Variants in COL12A1 observed in about 807,000 individuals in gnomAD.
The protein encoded by COL12A1 is collagen type XII alpha 1 chain.
A neutral mutation model predicts 349.7 loss-of-function variants in COL12A1; 114 were observed. The ratio of observed to expected loss-of-function variants is 0.33; its 90% CI spans 0.28 to 0.38. The LOEUF is 0.38. Ranked by LOEUF, COL12A1 falls within the 10% of genes least tolerant of loss-of-function variation. The pLI, the probability that COL12A1 is intolerant of heterozygous loss-of-function variation, is 1.00. For synonymous variants in COL12A1, 1,369 were observed against 1,329.0 expected, an observed-to-expected ratio of 1.03 and a Z score of -0.66; for missense variants, 3,284 against 3,756.9, an observed-to-expected ratio of 0.87 and a Z score of 3.29.
rs117435060 is a variant in COL12A1, at chr6:75,170,282, A to C, written c.2711-4503T>G. ...TGAGTTTCATATACCACTTTCAAAAATAGAAGTTAAATTGAAAATGTAACG... is the reference window on the plus strand; with the variant it reads ...TGAGTTTCATATACCACTTTCAAAACTAGAAGTTAAATTGAAAATGTAACG... On this transcript the variant is annotated intron_variant, in intron 13 of 65. Transcript: ENST00000322507. 1.7e-4 allele frequency among the ~76,000 whole-genome samples: 26 copies of C among 152,350 alleles called. No individual in the cohort carries two copies. The East Asian group carries it at 5.0e-3, about 29-fold the overall frequency.
chr6:75,162,328 C>G (rs898525131), intron 14 of COL12A1, among the ~76,000 whole-genome samples: 2 of 152,144 alleles, frequency 1.3e-5, no homozygotes, highest in African/African-American at 2.4e-5. Context: ...ACCAATGGAA[C>G]AGAACAGAGG....
chr6:75,102,157 T>C (rs1768334383), intron 56 of COL12A1, 105 bp from the exon 57 acceptor site: 8 of 1,154,446 alleles, frequency 6.9e-6, no homozygotes, highest in Admixed American at 2.0e-5. Context: ...ATAAATCCAG[T>C]GTAAGCGTTC....
intron 52 of COL12A1, among the ~76,000 whole-genome samples, chr6:75,107,549 G>A (rs556359712): frequency 6.6e-6 from 1 of 152,242 alleles, no homozygotes; most frequent in South Asian, 2.1e-4. Context: ...GGGATTACAG[G>A]CATGAGCCAC....
chr6:75,154,927 A>G (rs1277413209), intron 16 of COL12A1, among the ~76,000 whole-genome samples: 1 of 152,216 alleles, frequency 6.6e-6, no homozygotes, highest in Non-Finnish European at 1.5e-5. Flanking sequence ...AAGGTAACAT[A>G]AGACAATGCC....
rs114449178 is a variant in COL12A1 at position 75,106,668 on chromosome 6, C to T, written c.8101-172G>A. ...GAAAGACCATGAAAACATATGCCTA[C>T]GAGAAAGAGATAGAAAAGTGAAACA... On this transcript the variant is annotated intron_variant, in intron 52 of 65. Coordinates refer to ENST00000322507, the MANE Select transcript of COL12A1 (RefSeq NM_004370.6). Among the ~76,000 whole-genome samples the T allele has an allele frequency of 0.013, 2,018 of 152,116 alleles. 42 individuals carry two copies. The highest frequency in any genetic ancestry group is 0.043 in the African/African-American group (1,788 of 41,486).
intron 8 of COL12A1, among the ~76,000 whole-genome samples, chr6:75,186,628 A>C (rs1769636311): frequency 6.6e-6 from 1 of 152,200 alleles, no homozygotes; most frequent in African/African-American, 2.4e-5. Context: ...GTATATACCC[A>C]AGGAATATAA....
chr6:75,162,658 A>T (rs751582383), intron 14 of COL12A1, among the ~76,000 whole-genome samples: 1 of 152,206 alleles, frequency 6.6e-6, no homozygotes, highest in Non-Finnish European at 1.5e-5. Flanking sequence ...AAAATAGACA[A>T]ATGGAATCTG....
At chr6:75,177,163 G>C (rs940139782) in intron 12 of COL12A1, among the ~76,000 whole-genome samples, 2 of 152,120 alleles carry the variant, frequency 1.3e-5, no homozygotes, top group Non-Finnish European at 2.9e-5. Flanking sequence ...AAGGCCGGGC[G>C]TGGTGGCTCA....
At chr6:75,195,962 G>A (rs1397309174) in intron 2 of COL12A1, among the ~76,000 whole-genome samples, 1 of 152,142 alleles carries the variant, frequency 6.6e-6, no homozygotes, top group East Asian at 1.9e-4. Flanking sequence ...GAAAAGTACA[G>A]AAATAGTTTA....
In COL12A1 at chr6:75,175,313, T is replaced by G. The variant is rs1314198285; in HGVS notation, c.2438-3A>C. 2.5e-6 allele frequency: 4 copies of G among 1,601,866 alleles called. No individual in the cohort carries two copies. In the South Asian group the frequency reaches 4.5e-5, roughly 18 times the overall value. On this transcript the variant is annotated splice_region_variant and splice_polypyrimidine_tract_variant and intron_variant, in intron 12 of 65. Transcript: ENST00000322507. ...TAAGTCTCTTGGATTCCCTCTAACT[T>G]CATTAAAAAATGACAACATCATCAA...
rs191247715 is a variant in COL12A1, at chr6:75,158,870, G to C, written c.2984-2347C>G. ...TTTTTAATGAACAGAGCATCAGTGA[G>C]CTGTGTGACAACTTCAAGCAGACTA... On this transcript the variant is annotated intron_variant, in intron 14 of 65. Transcript: ENST00000322507. Among the ~76,000 whole-genome samples the C allele has an allele frequency of 6.2e-4, 95 of 152,102 alleles. 1 individual carries two copies. Among genetic ancestry groups the C allele is most frequent in the Middle Eastern group, 6.8e-3 (2 of 294 alleles).
chr6:75,147,358 C>G (rs1353393590), intron 23 of COL12A1, among the ~76,000 whole-genome samples: 2 of 152,020 alleles, frequency 1.3e-5, no homozygotes, highest in African/African-American at 4.8e-5. Flanking sequence ...GGTATATTTG[C>G]ATTTTAGGAG....
intron 13 of COL12A1, among the ~76,000 whole-genome samples, chr6:75,170,859 A>G (rs1380649263): frequency 1.3e-5 from 2 of 152,224 alleles, no homozygotes; most frequent in East Asian, 3.9e-4. Flanking sequence ...TTGTAACAAA[A>G]TGTCAACTGA....
intron 14 of COL12A1, among the ~76,000 whole-genome samples, chr6:75,157,685 G>T: frequency 6.6e-6 from 1 of 152,176 alleles, no homozygotes; most frequent in East Asian, 1.9e-4. Context: ...AGAACTTGAA[G>T]AATAGAGTAC....
chr6:75,186,212 T>G (rs1403691521), intron 8 of COL12A1, among the ~76,000 whole-genome samples: 1 of 152,126 alleles, frequency 6.6e-6, no homozygotes, highest in Non-Finnish European at 1.5e-5. Flanking sequence ...TTTTGCAAAC[T>G]ATGCATCCAA....
Position 75,132,950 on chromosome 6 carries a change from C to T in COL12A1, c.5794+343G>A, listed in dbSNP as rs535490791. On this transcript the variant is annotated intron_variant, in intron 34 of 65. Coordinates refer to ENST00000322507, the MANE Select transcript of COL12A1 (RefSeq NM_004370.6). ...GTGCCGAACAGATTTCAACAATTCG[C>T]ACTATGAAAGCCAATTGTAAAGTCC... Among the ~76,000 whole-genome samples the T allele has an allele frequency of 1.4e-3, 214 of 152,256 alleles. 1 individual carries two copies. The highest frequency in any genetic ancestry group is 4.8e-3 in the African/African-American group (198 of 41,546).
At position 75,192,320 on chromosome 6, in the gene COL12A1, T is replaced by C. The variant is rs370684538; in HGVS notation, c.226A>G (p.Thr76Ala). 7.4e-6 allele frequency: 12 copies of C among 1,611,684 alleles called. No individual in the cohort carries two copies. The highest frequency in any genetic ancestry group is 1.7e-4 in the Middle Eastern group (1 of 6,054). ...AGTTCTGACAATAAAGTTTCAGTGG[T>C]ACTAGCTGAAAGGGTAAATTCTTTA... ...PTKEFTLSAS[T>A]TETLLSELVP... Residue 76 changes from threonine to alanine, a missense_variant, in exon 4 of 66, where the codon ACC becomes GCC. This residue lies in a region of COL12A1 where 2,601 missense variants were observed against 2,824.8 expected (regional missense o/e 0.92). Coordinates refer to ENST00000322507, the MANE Select transcript of COL12A1 (RefSeq NM_004370.6).
chr6:75,181,203 G>A lies in COL12A1; in HGVS notation c.1900C>T (p.Pro634Ser), dbSNP rs1769264339. Residue 634 changes from proline (P) to serine (S), a missense_variant, in exon 11 of 66, where the codon CCT (proline) becomes TCT (serine). Coordinates refer to ENST00000322507, the MANE Select transcript of COL12A1 (RefSeq NM_004370.6). ...TCTGAAAAACTAAGATCCTTTGGAG[G>A]GACGTAAGCTATTTAAAAAAAAAAA... ...LAAIKKKAYV[P>S]PKDLSFSEVT... The A allele has an allele frequency of 6.5e-7, 1 of 1,548,380 alleles. No individual in the cohort carries two copies. Among genetic ancestry groups the A allele is most frequent in the Non-Finnish European group, 8.6e-7 (1 of 1,157,500 alleles).
At chr6:75,142,815 A>G (rs1246874858) in intron 26 of COL12A1, among the ~76,000 whole-genome samples, 3 of 152,224 alleles carry the variant, frequency 2.0e-5, no homozygotes, top group South Asian at 2.1e-4. Flanking sequence ...CTCTAACAAC[A>G]TACTTCTCCT....
Sources: allele counts gnomAD v4.1 joint callset (sites outside exome capture counted in the v4.1 genomes callset), GRCh38; gene constraint gnomAD v4.1.1; regional missense constraint gnomAD v4.1.1; transcripts MANE v1.5; gene names NCBI Gene and HGNC (gene_info 2026-07-23, HGNC 2026-07-21).